Variants in RASSF3 observed in about 807,000 individuals in gnomAD.
The protein encoded by RASSF3 is Ras association domain family member 3, also known as ras association domain-containing protein 3.
In RASSF3, 19 loss-of-function variants were observed where a neutral mutation model predicts 19.9. The ratio of observed to expected loss-of-function variants is 0.96; its 90% CI spans 0.67 to 1.40. RASSF3 has a LOEUF of 1.40. Ranked by LOEUF, RASSF3 falls within the 40% of genes most tolerant of loss-of-function variation. The pLI is 0.00. For synonymous variants in RASSF3, 110 were observed against 104.2 expected (o/e 1.06, Z -0.34); for missense variants, 306 against 289.8 (o/e 1.06, Z -0.41).
intron 1 of RASSF3, among the ~76,000 whole-genome samples, chr12:64,647,771 A>G: frequency 6.6e-6 from 1 of 151,458 alleles, no homozygotes; most frequent in Non-Finnish European, 1.5e-5. Flanking sequence ...GATGGTCTCC[A>G]ACTCCTGGGC....
At chr12:64,567,476 C>G (rs1285223639) in intron 2 of RASSF3, among the ~76,000 whole-genome samples, 3 of 152,182 alleles carry the variant, frequency 2.0e-5, no homozygotes, top group Non-Finnish European at 2.9e-5. Context: ...GCTGGCCACT[C>G]TCAGCCCTGG....
chr12:64,676,658 A>T (rs889824836), intron 1 of RASSF3, among the ~76,000 whole-genome samples: 1 of 151,630 alleles, frequency 6.6e-6, no homozygotes, highest in Non-Finnish European at 1.5e-5. Context: ...TTCAATAGAG[A>T]TGGGGTTTCA....
chr12:64,561,721 T>TC (rs1020349254), intron 2 of RASSF3, among the ~76,000 whole-genome samples: 2 of 148,694 alleles, frequency 1.3e-5, no homozygotes, highest in African/African-American at 4.9e-5. Context: ...TTATCTTTTT[T>TC]TTTTTTTTTT....
intron 1 of RASSF3, among the ~76,000 whole-genome samples, chr12:64,633,253 T>G (rs1312493273): frequency 6.6e-6 from 1 of 152,240 alleles, no homozygotes; most frequent in African/African-American, 2.4e-5. Context: ...CAGTGGATAC[T>G]GATACGGTTT....
At chr12:64,688,814 T>C (rs192989194) in intron 3 of RASSF3, among the ~76,000 whole-genome samples, 87 of 152,298 alleles carry the variant, frequency 5.7e-4, no homozygotes, top group Non-Finnish European at 1.1e-3. Flanking sequence ...AAGTTTTCAA[T>C]AGCACATTCC....
chr12:64,692,743 G>T (rs1362768632), intron 4 of RASSF3, among the ~76,000 whole-genome samples: 3 of 152,164 alleles, frequency 2.0e-5, no homozygotes, highest in Admixed American at 2.0e-4. Flanking sequence ...TTATTTTATT[G>T]TATTTTAATT....
At chr12:64,525,256 T>A (rs773437766) in intron 1 of RASSF3, among the ~76,000 whole-genome samples, 1 of 152,162 alleles carries the variant, frequency 6.6e-6, no homozygotes, top group Non-Finnish European at 1.5e-5. Flanking sequence ...ATCTGGGCGA[T>A]AGAGTGAGAC....
chr12:64,626,275 C>T (rs1440976770), intron 1 of RASSF3, among the ~76,000 whole-genome samples: 2 of 151,958 alleles, frequency 1.3e-5, no homozygotes, highest in African/African-American at 2.4e-5. Context: ...TGGCTCACGC[C>T]TGTAATCCCA....
At position 64,581,221 on chromosome 12, in the gene RASSF3, T is replaced by G. The variant is rs78616560; in HGVS notation, c.294+39516T>G. On this transcript the variant is annotated intron_variant, in intron 2 of 5. Transcript: ENST00000637125. ...TTGACGATAGTAGTTCTGCCTACAC[T>G]GAGCCCACTGACAGGTGACTATCTC... 4.1e-3 allele frequency among the ~76,000 whole-genome samples: 617 copies of G among 152,260 alleles called. 7 individuals carry two copies. The highest frequency in any genetic ancestry group is 7.1e-3 in the Non-Finnish European group (484 of 68,016).
intron 2 of RASSF3, among the ~76,000 whole-genome samples, chr12:64,565,938 C>T (rs902252415): frequency 1.5e-4 from 22 of 149,512 alleles, no homozygotes; most frequent in Non-Finnish European, 3.0e-4. Flanking sequence ...TGGTGGCTCA[C>T]GCCTATAATC....
chr12:64,649,915 C>G (rs1871879103), intron 1 of RASSF3, among the ~76,000 whole-genome samples: 1 of 152,190 alleles, frequency 6.6e-6, no homozygotes, highest in South Asian at 2.1e-4. Flanking sequence ...TACTGTTTCT[C>G]CCAGTTTTCC....
At chr12:64,577,127 C>T (rs1869608181) in intron 2 of RASSF3, among the ~76,000 whole-genome samples, 1 of 152,162 alleles carries the variant, frequency 6.6e-6, no homozygotes, top group Non-Finnish European at 1.5e-5. Context: ...TTTGAGAAAT[C>T]CTATTTTTTC....
intron 1 of RASSF3, among the ~76,000 whole-genome samples, chr12:64,678,538 A>T (rs1000411750): frequency 1.3e-5 from 2 of 150,434 alleles, no homozygotes; most frequent in African/African-American, 2.5e-5. Flanking sequence ...CACTGTGCAT[A>T]TATTGTCCCC....
At chr12:64,552,027 A>G (rs1309093546) in intron 2 of RASSF3, among the ~76,000 whole-genome samples, 1 of 152,198 alleles carries the variant, frequency 6.6e-6, no homozygotes, top group Non-Finnish European at 1.5e-5. Flanking sequence ...TGGTCCAAGA[A>G]CAGAAACAAT....
intron 1 of RASSF3, among the ~76,000 whole-genome samples, chr12:64,662,672 G>A (rs536591483): frequency 1.3e-5 from 2 of 152,332 alleles, no homozygotes; most frequent in Admixed American, 6.5e-5. Context: ...GTGTATATGT[G>A]TGTTGAGAAG....
chr12:64,680,376 C>T (rs1873077041), intron 1 of RASSF3, among the ~76,000 whole-genome samples: 2 of 151,966 alleles, frequency 1.3e-5, no homozygotes, highest in Admixed American at 1.3e-4. Context: ...CTTTGACCTT[C>T]CCCACTCCAC....
chr12:64,631,716 C>T (rs1018554215), intron 1 of RASSF3, among the ~76,000 whole-genome samples: 58 of 152,126 alleles, frequency 3.8e-4, no homozygotes, highest in African/African-American at 1.4e-3. Flanking sequence ...ATTACAGGCA[C>T]CTGCTACCAC....
At chr12:64,564,025 T>C (rs1482387858) in intron 2 of RASSF3, among the ~76,000 whole-genome samples, 3 of 152,216 alleles carry the variant, frequency 2.0e-5, no homozygotes, top group African/African-American at 7.2e-5. Flanking sequence ...CAACAACGTG[T>C]GTGTTACATG....
chr12:64,687,634 A>G (rs1184821797), intron 2 of RASSF3, among the ~76,000 whole-genome samples: 1 of 152,058 alleles, frequency 6.6e-6, no homozygotes, highest in Non-Finnish European at 1.5e-5. Context: ...TCTATGCTGT[A>G]TGGCATATAT....
Sources: gnomAD v4.1 joint callset for allele counts (sites outside exome capture counted in the v4.1 genomes callset) on GRCh38, gnomAD v4.1.1 for gene constraint, MANE v1.5 for transcripts, NCBI Gene and HGNC (gene_info 2026-07-23, HGNC 2026-07-21) for gene names.